Variants in IER3IP1 observed in about 807,000 individuals in gnomAD.
IER3IP1 encodes immediate early response 3 interacting protein 1.
Under a neutral mutation model 12.2 loss-of-function variants are expected in IER3IP1, and 16 were observed. That is an observed-to-expected ratio of 1.31 (90% confidence interval 0.89 to 1.99). The LOEUF (loss-of-function observed/expected upper bound fraction) is 1.99. Among genes scored for constraint, IER3IP1 ranks in the 30% most tolerant of loss-of-function variants. The pLI is 0.00. For synonymous variants in IER3IP1, 42 were observed against 40.0 expected (o/e 1.05, Z -0.19); for missense variants, 95 against 95.8 (o/e 0.99, Z 0.03).
At position 47,153,799 on chromosome 18, in the gene IER3IP1, A is replaced by G. The variant is rs2063949210; in HGVS notation, c.*2378T>C. 6.6e-6 allele frequency: 1 copy of G among 152,182 alleles called. No individual in the cohort carries two copies. The highest frequency in any genetic ancestry group is 1.5e-5 in the Non-Finnish European group (1 of 68,034). The allele number at this position is 152,182 out of a possible 1,614,324, so 9.4% of individuals were successfully genotyped here. ...TATATTTTTGAAAATTTAGGGTTTT[A>G]TGGAAATGCCTTGGGAAGCCTGACA... On this transcript the variant is annotated 3_prime_UTR_variant, in exon 3 of 3. Coordinates refer to ENST00000256433, the MANE Select transcript of IER3IP1 (RefSeq NM_016097.5).
At chr18:47,175,920 A>T (rs1455124565) in intron 1 of IER3IP1, among the ~76,000 whole-genome samples, 1 of 151,782 alleles carries the variant, frequency 6.6e-6, no homozygotes, top group Non-Finnish European at 1.5e-5. Context: ...TACTGACCTG[A>T]AGTAATCGCA....
At position 47,158,467 on chromosome 18, in the gene IER3IP1, G is replaced by A. The variant is rs983950574; in HGVS notation, c.92-930C>T. On this transcript the variant is annotated intron_variant, in intron 1 of 2. Coordinates refer to ENST00000256433, the MANE Select transcript of IER3IP1 (RefSeq NM_016097.5). ...GGTGATCCTCCCACCTCGGCCTCCC[G>A]AGTAGCTGGGACTATAGGCGCACGC... 7.2e-5 allele frequency among the ~76,000 whole-genome samples: 11 copies of A among 151,982 alleles called. No homozygotes were observed. The East Asian group carries it at 2.2e-3, about 30-fold the overall frequency.
intron 1 of IER3IP1, among the ~76,000 whole-genome samples, chr18:47,166,479 A>C (rs1160235391): frequency 6.6e-6 from 1 of 152,194 alleles, no homozygotes; most frequent in East Asian, 1.9e-4. Flanking sequence ...GTCACTAATG[A>C]GTAAAGGCTC....
At chr18:47,176,086 T>A (rs2064032293) in intron 1 of IER3IP1, 101 bp downstream of exon 1, 1 of 972,278 alleles carries the variant, frequency 1.0e-6, no homozygotes, top group African/African-American at 1.6e-5. Flanking sequence ...TCCGCTGTTC[T>A]TCTGTCCCGG....
At chr18:47,166,856 A>G (rs2063997551) in intron 1 of IER3IP1, among the ~76,000 whole-genome samples, 2 of 152,226 alleles carry the variant, frequency 1.3e-5, no homozygotes, top group South Asian at 2.1e-4. Context: ...TTTAAAACAT[A>G]TTTAGATATT....
At position 47,155,690 on chromosome 18, in the gene IER3IP1, TTAAAA is replaced by T. The variant is rs1307057686; in HGVS notation, c.*482_*486del. The T allele has an allele frequency of 4.6e-5, 7 of 152,566 alleles. No individual in the cohort carries two copies. The highest frequency in any genetic ancestry group is 3.3e-4 in the Admixed American group (5 of 15,304). 9.5% of individuals were successfully genotyped at this position (152,566 alleles called of 1,614,324 possible). ...TAGACAAAATAATTAACCAAGGAGC[TTAAAA>T]TAAAATTATTCAAATTACCTATTTA... On this transcript the variant is annotated 3_prime_UTR_variant, in exon 3 of 3. Transcript: ENST00000256433.
intron 1 of IER3IP1, among the ~76,000 whole-genome samples, chr18:47,173,528 A>G (rs1467011146): frequency 6.6e-6 from 1 of 152,098 alleles, no homozygotes; most frequent in South Asian, 2.1e-4. Flanking sequence ...TATTTTTAGT[A>G]GAGACAGGTT....
chr18:47,165,209 T>G (rs983720857), intron 1 of IER3IP1, among the ~76,000 whole-genome samples: 1 of 152,010 alleles, frequency 6.6e-6, no homozygotes, highest in African/African-American at 2.4e-5. Flanking sequence ...CCTAATAAAC[T>G]ACACAAAGAA....
At chr18:47,162,836 T>C (rs1167632037) in intron 1 of IER3IP1, among the ~76,000 whole-genome samples, 1 of 151,516 alleles carries the variant, frequency 6.6e-6, no homozygotes, top group Non-Finnish European at 1.5e-5. Flanking sequence ...GCAGAAAAAT[T>C]AGTTTCAATC....
In IER3IP1 at chr18:47,155,372, G is replaced by A. The variant is rs187175176; in HGVS notation, c.*805C>T. 3.3e-5 allele frequency: 5 copies of A among 151,836 alleles called. No individual in the cohort carries two copies. Among genetic ancestry groups the A allele is most frequent in the Admixed American group, 3.3e-4 (5 of 15,232 alleles). 9.4% of individuals were successfully genotyped at this position (151,836 alleles called of 1,614,324 possible). A position where few individuals can be genotyped will look rare whatever the true frequency, so the allele number is the denominator to read the frequency against. On this transcript the variant is annotated 3_prime_UTR_variant, in exon 3 of 3. Coordinates refer to ENST00000256433, the MANE Select transcript of IER3IP1 (RefSeq NM_016097.5). ...TGCTTCACAATAAACAGTCTTCTTG[G>A]GTAGTACAGTGTAATTGTGATTGTT...
intron 1 of IER3IP1, among the ~76,000 whole-genome samples, chr18:47,168,985 A>C (rs1300186949): frequency 6.6e-6 from 1 of 152,208 alleles, no homozygotes; most frequent in Non-Finnish European, 1.5e-5. Context: ...TTTGAAGTAC[A>C]TTCAGAGTTG....
intron 1 of IER3IP1, among the ~76,000 whole-genome samples, chr18:47,164,300 A>C (rs2144430311): frequency 6.6e-6 from 1 of 152,256 alleles, no homozygotes; most frequent in African/African-American, 2.4e-5. Flanking sequence ...TGGATGGAGA[A>C]TTTTTGGATG....
intron 1 of IER3IP1, among the ~76,000 whole-genome samples, chr18:47,164,760 TG>T (rs1410908402): frequency 6.7e-6 from 1 of 148,862 alleles, no homozygotes; most frequent in Non-Finnish European, 1.5e-5. Context: ...CCAGCCTGGG[TG>T]CCAGAGACCC....
rs776365929 is a variant in IER3IP1 at position 47,152,987 on chromosome 18, C to T, written c.*3190G>A. The T allele has an allele frequency of 6.6e-6, 1 of 152,132 alleles. No homozygotes were observed. Among genetic ancestry groups the T allele is most frequent in the Admixed American group, 6.5e-5 (1 of 15,280 alleles). The allele number at this position is 152,132 out of a possible 1,614,324, so 9.4% of individuals were successfully genotyped here. The stretch of plus-strand genomic sequence containing the variant: ...TTGACCAATTTTACAGATAGGACAA[C>T]CAAAAACTACTGAGGTCTTAGGAAG... On this transcript the variant is annotated 3_prime_UTR_variant, in exon 3 of 3. Transcript: ENST00000256433.
intron 1 of IER3IP1, among the ~76,000 whole-genome samples, chr18:47,164,175 C>T (rs533885737): frequency 2.0e-5 from 3 of 151,626 alleles, no homozygotes; most frequent in South Asian, 4.2e-4. Context: ...TAAAACTCTA[C>T]AATACCGGAA....
intron 1 of IER3IP1, among the ~76,000 whole-genome samples, chr18:47,164,971 C>T (rs1192280193): frequency 6.6e-6 from 1 of 152,190 alleles, no homozygotes; most frequent in African/African-American, 2.4e-5. Context: ...GCTGTCCAGA[C>T]TTCAAAAAGT....
intron 1 of IER3IP1, among the ~76,000 whole-genome samples, chr18:47,162,220 CT>C (rs1452460030): frequency 6.6e-6 from 1 of 152,148 alleles, no homozygotes; most frequent in Non-Finnish European, 1.5e-5. Context: ...GAAAGACTTC[CT>C]CCCAATACTG....
chr18:47,165,564 AAAAAG>A (rs1385854824), intron 1 of IER3IP1, among the ~76,000 whole-genome samples: 1 of 152,026 alleles, frequency 6.6e-6, no homozygotes, highest in Non-Finnish European at 1.5e-5. Context: ...AAAAAAAAAA[AAAAAG>A]ATACATGCAG....
intron 2 of IER3IP1, chr18:47,156,790 G>GTTTTTTTTTTTTT (rs34039061): frequency 9.7e-6 from 1 of 102,914 alleles, no homozygotes; most frequent in Non-Finnish European, 1.9e-5. Flanking sequence ...TTCTTTTCTG[G>GTTTTTTTTTTTTT]TTTTTTTTTT....
Sources: allele counts gnomAD v4.1 joint callset (sites outside exome capture counted in the v4.1 genomes callset), GRCh38; gene constraint gnomAD v4.1.1; transcripts MANE v1.5; gene names NCBI Gene and HGNC (gene_info 2026-07-23, HGNC 2026-07-21).